CACNA1B: variants seen among roughly 807,000 people sequenced by gnomAD.
CACNA1B encodes voltage-dependent N-type calcium channel subunit alpha-1B.
Under a neutral mutation model 247.2 loss-of-function variants are expected in CACNA1B, and 70 were observed. The observed-to-expected ratio is 0.28, with a 90% confidence interval of 0.23 to 0.35. The LOEUF is 0.35. Among genes scored for constraint, CACNA1B ranks in the 10% least tolerant of loss-of-function variants. The pLI is 1.00. For missense variants in CACNA1B, 2,367 were observed against 3,197.4 expected (o/e 0.74, Z 6.26); for synonymous variants, 1,231 against 1,294.4 (o/e 0.95, Z 1.05).
chr9:138,060,365 G>C (rs754388134), intron 31 of CACNA1B, among the ~76,000 whole-genome samples: 9 of 152,174 alleles, frequency 5.9e-5, no homozygotes, highest in Admixed American at 2.6e-4. Context: ...GCACTCATGT[G>C]AAATTTATTT....
intron 15 of CACNA1B, among the ~76,000 whole-genome samples, chr9:137,997,240 T>G (rs1245812715): frequency 6.6e-6 from 1 of 152,056 alleles, no homozygotes. Flanking sequence ...CCGTGATAAT[T>G]TTTTTTTAAG....
intron 39 of CACNA1B, 43 bp from the exon 40 acceptor site, chr9:138,112,355 A>G: frequency 6.8e-7 from 1 of 1,461,904 alleles, no homozygotes; most frequent in African/African-American, 1.4e-5. Context: ...GCTGCTCCTA[A>G]CATCTCTGTC....
intron 21 of CACNA1B, among the ~76,000 whole-genome samples, chr9:138,044,237 T>C (rs1042942022): frequency 7.9e-5 from 12 of 152,240 alleles, no homozygotes; most frequent in African/African-American, 2.9e-4. Context: ...ACCTGGCACC[T>C]GTGTTGCCTG....
intron 21 of CACNA1B, 73 bp downstream of exon 21, chr9:138,043,973 G>C (rs1029370428): frequency 1.3e-6 from 2 of 1,551,110 alleles, no homozygotes; most frequent in African/African-American, 1.5e-5. Flanking sequence ...GATCTCAGTA[G>C]CCAGCGTGCA....
Position 137,878,946 on chromosome 9 carries a change from A to G in CACNA1B, c.285-108A>G. 1.8e-5 allele frequency: 12 copies of G among 671,430 alleles called. 1 individual carries two copies. The South Asian group carries it at 2.1e-4, about 12-fold the overall frequency. The allele number at this position is 671,430 out of a possible 1,614,324, so 41.6% of individuals were successfully genotyped here. On this transcript the variant is annotated intron_variant, in intron 1 of 46. Transcript: ENST00000371372. ...GAGGGGCTCCGGACCCAGTTGTCTC[A>G]GCCCCTCCGGAGACGGCCTAGCGGT...
chr9:137,915,841 C>T (rs1295845734), intron 5 of CACNA1B, among the ~76,000 whole-genome samples: 1 of 150,502 alleles, frequency 6.6e-6, no homozygotes, highest in Non-Finnish European at 1.5e-5. Context: ...AAAAAAAGAA[C>T]TGGAAAGGAG....
At chr9:137,999,708 A>G (rs566618105) in intron 15 of CACNA1B, among the ~76,000 whole-genome samples, 3 of 151,836 alleles carry the variant, frequency 2.0e-5, no homozygotes, top group Non-Finnish European at 2.9e-5. Flanking sequence ...TGGTCTCACA[A>G]TGTTGCCCAG....
rs1489114361 is a variant in CACNA1B, at chr9:137,954,333, A to ATC, written c.1071-1356_1071-1355dup. Among the ~76,000 whole-genome samples, 1 of 152,182 alleles carries ATC rather than the reference A, an allele frequency of 6.6e-6. No individual in the cohort carries two copies. Among genetic ancestry groups the ATC allele is most frequent in the African/African-American group, 2.4e-5 (1 of 41,452 alleles). On this transcript the variant is annotated intron_variant, in intron 7 of 46. Coordinates refer to ENST00000371372, the MANE Select transcript of CACNA1B (RefSeq NM_000718.4). The surrounding 1 kb of genome is among the most constrained non-coding windows in gnomAD (Gnocchi z 4.1). ...GGGGCCAGCTTGGGGCCAATTCGGCATCTCTCTCTCCATTCCCAGAGCTCC... is the reference window on the plus strand; with the variant it reads ...GGGGCCAGCTTGGGGCCAATTCGGCATCTCTCTCTCTCCATTCCCAGAGCTCC...
At chr9:138,106,733 C>T (rs1478587602) in intron 39 of CACNA1B, among the ~76,000 whole-genome samples, 1 of 152,196 alleles carries the variant, frequency 6.6e-6, no homozygotes, top group Non-Finnish European at 1.5e-5. Context: ...CACGGCACTC[C>T]AGCCTGGTGA....
chr9:138,071,897 A>G (rs1457544907), intron 32 of CACNA1B, among the ~76,000 whole-genome samples: 4 of 150,830 alleles, frequency 2.7e-5, no homozygotes, highest in East Asian at 2.0e-4. Context: ...GGAGCCTCCA[A>G]CCCCCGGCTC....
intron 6 of CACNA1B, among the ~76,000 whole-genome samples, chr9:137,942,850 A>G (rs1957748597): frequency 6.6e-6 from 1 of 152,202 alleles, no homozygotes; most frequent in South Asian, 2.1e-4. Context: ...AAAGACTACA[A>G]ATTGTGTGCA....
chr9:138,114,931 A>G (rs1336046204), intron 41 of CACNA1B, among the ~76,000 whole-genome samples: 1 of 151,980 alleles, frequency 6.6e-6, no homozygotes, highest in Non-Finnish European at 1.5e-5. Context: ...TGATTTGGGG[A>G]CCCATCTTCC....
chr9:137,894,580 T>C (rs1439132715), intron 3 of CACNA1B, among the ~76,000 whole-genome samples: 2 of 152,086 alleles, frequency 1.3e-5, no homozygotes, highest in Non-Finnish European at 2.9e-5. Flanking sequence ...GGCTCATTTT[T>C]TGTATTTTTA....
chr9:137,889,445 C>A (rs1236687252), intron 3 of CACNA1B, among the ~76,000 whole-genome samples: 1 of 147,492 alleles, frequency 6.8e-6, no homozygotes, highest in Admixed American at 6.8e-5. Context: ...TCTGACAAGT[C>A]CCTGGAAAGC....
At chr9:137,968,832 C>T (rs1434315456) in intron 10 of CACNA1B, among the ~76,000 whole-genome samples, 1 of 152,230 alleles carries the variant, frequency 6.6e-6, no homozygotes, top group Non-Finnish European at 1.5e-5. Context: ...ACTGTGTCAT[C>T]ATTCATAGGT....
Position 138,052,532 on chromosome 9 carries a change from G to C in CACNA1B, c.3807+344G>C, listed in dbSNP as rs114520168. Among the ~76,000 whole-genome samples, 554 of 152,244 alleles carry C rather than the reference G, an allele frequency of 3.6e-3. 4 individuals are homozygous for C. The highest frequency in any genetic ancestry group is 0.013 in the African/African-American group (522 of 41,528). ...GGGCTTGGGACATTGGCTGCTGAGA[G>C]GGGGACAGGCATGGGCTGAGCTTCT... is the stretch of plus-strand genomic sequence containing the variant. On this transcript the variant is annotated intron_variant, in intron 25 of 46. Coordinates refer to ENST00000371372, the MANE Select transcript of CACNA1B (RefSeq NM_000718.4). This position sits in a 1 kb window ranked among gnomAD's most constrained non-coding sequence, Gnocchi z 5.1.
intron 18 of CACNA1B, among the ~76,000 whole-genome samples, chr9:138,022,627 G>A (rs1958859103): frequency 6.6e-6 from 1 of 152,136 alleles, no homozygotes; most frequent in Non-Finnish European, 1.5e-5. Context: ...CTCTCCATCC[G>A]TCCTGCCCTT....
Position 137,931,401 on chromosome 9 carries a change from G to A in CACNA1B, c.966+13970G>A, listed in dbSNP as rs552597332. 2.2e-4 allele frequency among the ~76,000 whole-genome samples: 34 copies of A among 152,066 alleles called. No individual in the cohort carries two copies. The South Asian group carries it at 4.0e-3, about 18-fold the overall frequency. On this transcript the variant is annotated intron_variant, in intron 6 of 46. Transcript: ENST00000371372. ...ACCAATCAGGTACTTTCCATTTTTCGTCTGCGATACAGTGGAATGGGGGGC... is the reference window on the plus strand; with the variant it reads ...ACCAATCAGGTACTTTCCATTTTTCATCTGCGATACAGTGGAATGGGGGGC...
At chr9:138,013,992 C>A (rs192364208) in intron 18 of CACNA1B, among the ~76,000 whole-genome samples, 6 of 152,386 alleles carry the variant, frequency 3.9e-5, no homozygotes, top group South Asian at 2.1e-4. Context: ...ACCCCCCACA[C>A]CTCCCATTCC....
Sources: allele counts gnomAD v4.1 joint callset (sites outside exome capture counted in the v4.1 genomes callset), GRCh38; gene constraint gnomAD v4.1.1; non-coding constraint Gnocchi (gnomAD v3.1); transcripts MANE v1.5; gene names NCBI Gene and HGNC (gene_info 2026-07-23, HGNC 2026-07-21).